Variants in CACNA2D2 observed in about 807,000 individuals in gnomAD.
The protein encoded by CACNA2D2 is voltage-dependent calcium channel subunit alpha-2/delta-2.
A neutral mutation model predicts 166.4 loss-of-function variants in CACNA2D2; 48 were observed. That is an observed-to-expected ratio of 0.29 (90% CI 0.23 to 0.37). CACNA2D2 has a LOEUF of 0.37. Ranked by LOEUF, CACNA2D2 falls within the 10% of genes least tolerant of loss-of-function variation. CACNA2D2 has a pLI of 1.00. For synonymous variants in CACNA2D2, 561 were observed against 573.7 expected (o/e 0.98, Z 0.32); for missense variants, 1,122 against 1,433.0 (o/e 0.78, Z 3.50).
intron 1 of CACNA2D2, among the ~76,000 whole-genome samples, chr3:50,492,875 G>A (rs1698575279): frequency 1.3e-5 from 2 of 152,140 alleles, no homozygotes. Flanking sequence ...AGGGCTGAGT[G>A]CTTGGACCCG....
chr3:50,425,048 G>A, intron 3 of CACNA2D2, among the ~76,000 whole-genome samples: 1 of 152,160 alleles, frequency 6.6e-6, no homozygotes, highest in East Asian at 1.9e-4. Flanking sequence ...CACAGAAAGT[G>A]GGGCCAGAGA....
chr3:50,366,096 G>A lies in CACNA2D2; in HGVS notation c.2777C>T (p.Thr926Ile), dbSNP rs1553725746. The A allele has an allele frequency of 6.2e-7, 1 of 1,613,786 alleles. No homozygotes were observed. Among genetic ancestry groups the A allele is most frequent in the African/African-American group, 1.3e-5 (1 of 74,920 alleles). ...CTGATAGTCATAGGACTCCTTGCGGGTGTAGAAGGAGTTATTGTAGAGTGC... is the reference window on the plus strand; with the variant it reads ...CTGATAGTCATAGGACTCCTTGCGGATGTAGAAGGAGTTATTGTAGAGTGC... ...MLALYNNSFY[T>I]RKESYDYQAA... is the part of the protein sequence containing the mutation. The change falls in exon 32 of 38, where the codon ACC becomes ATC. Residue 926 changes from threonine (T) to isoleucine (I), a missense_variant. By Grantham distance (89) the Thr-to-Ile change is moderately conservative. This residue lies in a region of CACNA2D2 where 840 missense variants were observed against 1,166.8 expected (regional missense o/e 0.72). Transcript: ENST00000424201. The surrounding 1 kb of genome is among the most constrained non-coding windows in gnomAD (Gnocchi z 5.9).
At position 50,367,823 on chromosome 3, in the gene CACNA2D2, C is replaced by T; in HGVS notation, c.2223G>A (p.Gln741=). 1 of 1,608,934 alleles carries T rather than the reference C, an allele frequency of 6.2e-7. No homozygotes were observed. Among genetic ancestry groups the T allele is most frequent in the Non-Finnish European group, 8.5e-7 (1 of 1,177,164 alleles). The change falls in exon 25 of 38, where the codon CAG becomes CAA. Residue 741 remains glutamine (Q), a synonymous_variant. Coordinates refer to ENST00000424201, the MANE Select transcript of CACNA2D2 (RefSeq NM_006030.4). This position sits in a 1 kb window ranked among gnomAD's most constrained non-coding sequence, Gnocchi z 6.5. ...TGGGTGATGCCTACGTGTTGAGATC[C>T]TGGTCCCTCCACACACGCTCTACCA... The part of the protein sequence containing the change: ...QQLVERVWRD[Q]DLNTYSLLAV...
Position 50,364,918 on chromosome 3 carries a change from G to A in CACNA2D2, c.3261C>T (p.Gly1087=), listed in dbSNP as rs373745348. The change falls in exon 37 of 38, where the codon GGC becomes GGT. Residue 1087 remains glycine (G), a synonymous_variant. Transcript: ENST00000424201. ...CGTTGTAGTCGAAGCAGATGTGCGG[G>A]CCTCTCCGGTATCGCGGTCTCTGCA... ...ELVQRPRYRR[G]PHICFDYNAT... The A allele has an allele frequency of 6.6e-5, 107 of 1,613,246 alleles. No homozygotes were observed. The highest frequency in any genetic ancestry group is 8.8e-5 in the Non-Finnish European group (104 of 1,179,906).
At chr3:50,486,851 C>T (rs138397018) in intron 1 of CACNA2D2, among the ~76,000 whole-genome samples, 3 of 152,318 alleles carry the variant, frequency 2.0e-5, no homozygotes, top group African/African-American at 4.8e-5. Context: ...GAACATCTTC[C>T]GCCTACCAGA....
intron 2 of CACNA2D2, among the ~76,000 whole-genome samples, chr3:50,461,707 G>C (rs1407255673): frequency 6.8e-6 from 1 of 146,958 alleles, no homozygotes; most frequent in Admixed American, 6.8e-5. Flanking sequence ...GTTGCGGTGA[G>C]CCGAGATCAT....
chr3:50,469,398 G>A (rs1025810284), intron 2 of CACNA2D2, among the ~76,000 whole-genome samples: 3 of 152,008 alleles, frequency 2.0e-5, no homozygotes, highest in Admixed American at 6.6e-5. Flanking sequence ...TCCCTAAAAG[G>A]TGTCATGATC....
chr3:50,394,014 C>T, intron 4 of CACNA2D2, 95 bp downstream of exon 4: 1 of 1,080,704 alleles, frequency 9.3e-7, no homozygotes, highest in South Asian at 1.3e-5. Context: ...CCCTCTGTGT[C>T]CCTCATGTGT....
intron 2 of CACNA2D2, among the ~76,000 whole-genome samples, chr3:50,464,115 A>T (rs1709712598): frequency 6.6e-6 from 1 of 152,220 alleles, no homozygotes; most frequent in African/African-American, 2.4e-5. Context: ...GCCATGGCTC[A>T]TTGAGACTGA....
chr3:50,385,058 G>A lies in CACNA2D2; in HGVS notation c.511-721C>T, dbSNP rs587605736. Among the ~76,000 whole-genome samples the A allele has an allele frequency of 9.8e-5, 15 of 152,292 alleles. No homozygotes were observed. In the East Asian group the frequency reaches 2.3e-3, roughly 24 times the overall value. On this transcript the variant is annotated intron_variant, in intron 5 of 37. Transcript: ENST00000424201. The stretch of plus-strand genomic sequence containing the variant: ...ACAGGTGCCAATTATGGCATCTCAC[G>A]GCCGGGCAGGCTGGGCATGCACCGT...
chr3:50,484,901 AGGCAGGTGGGGTG>A (rs1369962985), intron 1 of CACNA2D2, among the ~76,000 whole-genome samples: 3 of 152,208 alleles, frequency 2.0e-5, no homozygotes, highest in Non-Finnish European at 2.9e-5. Flanking sequence ...GCCATGGGGT[AGGCAGGTGGGGTG>A]GGCAGGGGGA....
At chr3:50,394,484 C>G (rs1706049688) in intron 3 of CACNA2D2, among the ~76,000 whole-genome samples, 1 of 152,182 alleles carries the variant, frequency 6.6e-6, no homozygotes, top group Admixed American at 6.5e-5. Flanking sequence ...CTTGTGTCAC[C>G]CCAGTGCCAA....
intron 3 of CACNA2D2, among the ~76,000 whole-genome samples, chr3:50,424,573 A>G (rs758299529): frequency 7.9e-5 from 12 of 152,158 alleles, no homozygotes; most frequent in Non-Finnish European, 1.5e-4. Flanking sequence ...GGCTTGCCCC[A>G]TGGCTCCACC....
intron 3 of CACNA2D2, among the ~76,000 whole-genome samples, chr3:50,403,460 C>G (rs1246743438): frequency 6.6e-6 from 1 of 152,178 alleles, no homozygotes; most frequent in Non-Finnish European, 1.5e-5. Context: ...TTCATTACCC[C>G]CCTGCAGCCC....
chr3:50,459,189 G>A lies in CACNA2D2; in HGVS notation c.288+16929C>T, dbSNP rs865782017. On this transcript the variant is annotated intron_variant, in intron 2 of 37. Coordinates refer to ENST00000424201, the MANE Select transcript of CACNA2D2 (RefSeq NM_006030.4). ...ACACAGGGAGATGAGATTAGCAGAA[G>A]AATATTTGATAAAAGGGAACCCAGG... 3.9e-5 allele frequency among the ~76,000 whole-genome samples: 6 copies of A among 152,320 alleles called. No homozygotes were observed. In the East Asian group the frequency reaches 5.8e-4, roughly 15 times the overall value.
At chr3:50,431,184 C>T (rs1159205274) in intron 3 of CACNA2D2, among the ~76,000 whole-genome samples, 1 of 152,140 alleles carries the variant, frequency 6.6e-6, no homozygotes, top group Non-Finnish European at 1.5e-5. Flanking sequence ...CCCAACAGCC[C>T]TCCCTCCATA....
intron 2 of CACNA2D2, among the ~76,000 whole-genome samples, chr3:50,435,010 G>A (rs1708245148): frequency 6.6e-6 from 1 of 152,208 alleles, no homozygotes; most frequent in African/African-American, 2.4e-5. Context: ...CTGTCATTCA[G>A]GGCACAGAAT....
rs2109400968 is a variant in CACNA2D2 at position 50,365,749 on chromosome 3, C to T, written c.2915+61G>A. 1.9e-6 allele frequency: 3 copies of T among 1,609,224 alleles called. No individual in the cohort carries two copies. The highest frequency in any genetic ancestry group is 2.2e-5 in the South Asian group (2 of 90,220). On this transcript the variant is annotated intron_variant, in intron 33 of 37. Coordinates refer to ENST00000424201, the MANE Select transcript of CACNA2D2 (RefSeq NM_006030.4). The surrounding 1 kb of genome is among the most constrained non-coding windows in gnomAD (Gnocchi z 4.5). ...CAGAGGACGATGCCATGCCCTACTTCTCTTCTGAGCCCTCCCGGCCAGGGA... is the reference window on the plus strand; with the variant it reads ...CAGAGGACGATGCCATGCCCTACTTTTCTTCTGAGCCCTCCCGGCCAGGGA...
In CACNA2D2 at chr3:50,492,464, G is replaced by C. The variant is rs544615476; in HGVS notation, c.206+10754C>G. ...GGCTGCTCCCCCAAACCCCAGGTTT[G>C]GGTCTAGTCTATGCCTCAAGTGCTG... On this transcript the variant is annotated intron_variant, in intron 1 of 37. Transcript: ENST00000424201. Among the ~76,000 whole-genome samples the C allele has an allele frequency of 6.6e-5, 10 of 152,364 alleles. No homozygotes were observed. In the South Asian group the frequency reaches 2.1e-3, roughly 32 times the overall value.
Sources: allele counts gnomAD v4.1 joint callset (sites outside exome capture counted in the v4.1 genomes callset), GRCh38; gene constraint gnomAD v4.1.1; regional missense constraint gnomAD v4.1.1; non-coding constraint Gnocchi (gnomAD v3.1); transcripts MANE v1.5; gene names NCBI Gene and HGNC (gene_info 2026-07-23, HGNC 2026-07-21).